The following UGT1A10 variants were observed in gnomAD, a reference collection of about 807,000 sequenced individuals.
The protein encoded by UGT1A10 is UDP-glucuronosyltransferase 1A10.
In UGT1A10, 49 loss-of-function variants were observed where a neutral mutation model predicts 45.8. That is an observed-to-expected ratio of 1.07 (90% confidence interval 0.85 to 1.36). The LOEUF is 1.36. UGT1A10 is among the 40% of genes most tolerant of loss of function. The probability of loss-of-function intolerance (pLI) is 0.00; values close to 1 mark genes in which losing one functional copy is unlikely to be tolerated. For missense variants in UGT1A10, 745 were observed against 668.6 expected (o/e 1.11, Z -1.26); for synonymous variants, 284 against 249.7 (o/e 1.14, Z -1.29).
chr2:233,667,476 G>A (rs1383846238), intron 1 of UGT1A10, among the ~76,000 whole-genome samples: 1 of 152,194 alleles, frequency 6.6e-6, no homozygotes, highest in Non-Finnish European at 1.5e-5. Context: ...GCATGGGCAA[G>A]GACTTCATGT....
At chr2:233,759,139 A>C (rs1697067620) in intron 1 of UGT1A10, among the ~76,000 whole-genome samples, 1 of 152,242 alleles carries the variant, frequency 6.6e-6, no homozygotes, top group Non-Finnish European at 1.5e-5. Flanking sequence ...TACGCAATGA[A>C]GGTGAGTTCC....
intron 1 of UGT1A10, chr2:233,647,933 T>G: frequency 1.9e-6 from 3 of 1,604,578 alleles, no homozygotes; most frequent in South Asian, 2.2e-5. Flanking sequence ...TCACTGCCCA[T>G]GGATGGGAGC....
intron 1 of UGT1A10, chr2:233,729,946 G>T (rs757885815): frequency 1.2e-6 from 2 of 1,614,002 alleles, no homozygotes; most frequent in Middle Eastern, 1.7e-4. Flanking sequence ...GCCCAACATG[G>T]TCTTCATTGG....
intron 1 of UGT1A10, among the ~76,000 whole-genome samples, chr2:233,757,296 G>A (rs1428870685): frequency 7.7e-6 from 1 of 129,554 alleles, no homozygotes; most frequent in African/African-American, 2.9e-5. Flanking sequence ...ACAGCTGGGG[G>A]TTGGGGGACA....
At chr2:233,650,066 G>A (rs189952989) in intron 1 of UGT1A10, among the ~76,000 whole-genome samples, 3 of 152,252 alleles carry the variant, frequency 2.0e-5, no homozygotes, top group East Asian at 3.9e-4. Flanking sequence ...TGCCTCCTGG[G>A]TTCAAGCGAT....
At chr2:233,730,562 ACACGAAGTT>A (rs963460994) in intron 1 of UGT1A10, among the ~76,000 whole-genome samples, 4 of 152,160 alleles carry the variant, frequency 2.6e-5, no homozygotes, top group Admixed American at 6.5e-5. Context: ...AGAGAATGAC[ACACGAAGTT>A]CAGTTTCCAG....
At chr2:233,673,483 C>T (rs2074259573) in intron 1 of UGT1A10, among the ~76,000 whole-genome samples, 2 of 152,030 alleles carry the variant, frequency 1.3e-5, no homozygotes, top group South Asian at 2.1e-4. Context: ...CATATTCTTG[C>T]TTTTATCTTA....
chr2:233,692,974 T>C, intron 1 of UGT1A10: 1 of 1,612,390 alleles, frequency 6.2e-7, no homozygotes, highest in South Asian at 1.1e-5. Flanking sequence ...GAAAACTCTT[T>C]ATTACCGTTG....
At chr2:233,692,272 C>T (rs1301139885) in intron 1 of UGT1A10, 1 of 152,396 alleles carries the variant, frequency 6.6e-6, no homozygotes, top group Non-Finnish European at 1.5e-5. Context: ...TGTACTTTTT[C>T]CTCTGGCTAT....
intron 1 of UGT1A10, chr2:233,672,246 T>TATATATTCTCTATTAATGGGTTC (rs1331679800): frequency 8.2e-5 from 133 of 1,614,096 alleles, no homozygotes; most frequent in Non-Finnish European, 1.1e-4. Context: ...AAGTACGAAG[T>TATATATTCTCTATTAATGGGTTC]ATATATTCTC....
chr2:233,652,930 G>T (rs1030255409), intron 1 of UGT1A10, among the ~76,000 whole-genome samples: 1 of 152,188 alleles, frequency 6.6e-6, no homozygotes, highest in Non-Finnish European at 1.5e-5. Flanking sequence ...CACACACATT[G>T]TTGTGTATGA....
chr2:233,697,327 T>C (rs960818625), intron 1 of UGT1A10, among the ~76,000 whole-genome samples: 1 of 152,152 alleles, frequency 6.6e-6, no homozygotes, highest in Non-Finnish European at 1.5e-5. Context: ...TGTTTGGAAA[T>C]GTATCCATTT....
intron 1 of UGT1A10, among the ~76,000 whole-genome samples, chr2:233,703,920 T>G (rs1316054867): frequency 6.6e-6 from 1 of 151,942 alleles, no homozygotes; most frequent in Non-Finnish European, 1.5e-5. Flanking sequence ...AGACAAAATC[T>G]CATTCTGTTA....
rs28900368 is a variant in UGT1A10 at position 233,741,162 on chromosome 2, T to C, written c.856-25872T>C. ...CATTTATGACAGCACTAATCCAGGA[T>C]ATATCAAAACTGAACTTGTGTTTGC... On this transcript the variant is annotated intron_variant, in intron 1 of 4. Transcript: ENST00000344644. 1.4e-3 allele frequency among the ~76,000 whole-genome samples: 206 copies of C among 152,072 alleles called. 9 individuals are homozygous for C. The highest frequency in any genetic ancestry group is 4.8e-3 in the African/African-American group (198 of 41,316).
intron 1 of UGT1A10, among the ~76,000 whole-genome samples, chr2:233,645,044 C>T (rs1034997064): frequency 1.3e-5 from 2 of 152,048 alleles, no homozygotes; most frequent in African/African-American, 4.8e-5. Flanking sequence ...ACTTTGACAC[C>T]TTTAGGGTTC....
At chr2:233,684,390 A>G (rs2074678224) in intron 1 of UGT1A10, among the ~76,000 whole-genome samples, 1 of 152,198 alleles carries the variant, frequency 6.6e-6, no homozygotes. Flanking sequence ...TTACAGCACC[A>G]GCCATCACTC....
chr2:233,711,190 C>G (rs886946782), intron 1 of UGT1A10, among the ~76,000 whole-genome samples: 1 of 152,236 alleles, frequency 6.6e-6, no homozygotes, highest in African/African-American at 2.4e-5. Flanking sequence ...CTACTCCCTC[C>G]CCACAGTCCT....
At position 233,671,414 on chromosome 2, in the gene UGT1A10, T is replaced by C. The variant is rs45440791; in HGVS notation, c.855+34037T>C. The stretch of plus-strand genomic sequence containing the variant: ...GGAAGAAGAGAAGCAGCAATATGTA[T>C]GCATTGCAGAGACACAGGCGAGCCC... On this transcript the variant is annotated intron_variant, in intron 1 of 4. Coordinates refer to ENST00000344644, the MANE Select transcript of UGT1A10 (RefSeq NM_019075.4). Among the ~76,000 whole-genome samples, 1,057 of 152,306 alleles carry C rather than the reference T, an allele frequency of 6.9e-3. 28 individuals carry two copies. The highest frequency in any genetic ancestry group is 0.057 in the Admixed American group (870 of 15,298).
At chr2:233,745,472 G>T (rs1454081365) in intron 1 of UGT1A10, among the ~76,000 whole-genome samples, 5 of 151,704 alleles carry the variant, frequency 3.3e-5, no homozygotes, top group Non-Finnish European at 7.4e-5. Flanking sequence ...AGGGGAAAAT[G>T]ATTAACCAAA....
Sources: allele counts gnomAD v4.1 joint callset (sites outside exome capture counted in the v4.1 genomes callset), GRCh38; gene constraint gnomAD v4.1.1; transcripts MANE v1.5; gene names NCBI Gene and HGNC (gene_info 2026-07-23, HGNC 2026-07-21).